The following KTN1 variants were observed in gnomAD, a reference collection of about 807,000 sequenced individuals.
KTN1 encodes kinectin.
A neutral mutation model predicts 222.5 loss-of-function variants in KTN1; 130 were observed. That is an observed-to-expected ratio of 0.58 (90% CI 0.51 to 0.68). The LOEUF is 0.68. Ranked by LOEUF, KTN1 falls within the 30% of genes least tolerant of loss-of-function variation. The pLI, the probability that KTN1 is intolerant of heterozygous loss-of-function variation, is 0.00. For missense variants in KTN1, 1,508 were observed against 1,500.4 expected (o/e 1.01, Z -0.08); for synonymous variants, 512 against 496.3 (o/e 1.03, Z -0.42).
rs898144219 is a variant in KTN1 at position 55,670,876 on chromosome 14, T to G, written c.3348+67T>G. ...AAAAGAAGCAAATAAGATTTTGTCT[T>G]CATAAGCTTGGAAAAGATAAAAGAT... On this transcript the variant is annotated intron_variant, in intron 35 of 43. Coordinates refer to ENST00000395314, the MANE Select transcript of KTN1 (RefSeq NM_001079521.2). The G allele has an allele frequency of 1.2e-5, 13 of 1,070,748 alleles. No homozygotes were observed. In the African/African-American group the frequency reaches 2.1e-4, roughly 17 times the overall value. The allele number at this position is 1,070,748 out of a possible 1,614,324, so 66.3% of individuals were successfully genotyped here. A position where few individuals can be genotyped will look rare whatever the true frequency, so the allele number is the denominator to read the frequency against.
At position 55,616,635 on chromosome 14, in the gene KTN1, G is replaced by A; in HGVS notation, c.642G>A (p.Lys214=). 1 of 1,594,060 alleles carries A rather than the reference G, an allele frequency of 6.3e-7. No individual in the cohort carries two copies. Among genetic ancestry groups the A allele is most frequent in the Non-Finnish European group, 8.5e-7 (1 of 1,175,134 alleles). Reference sequence around the variant, plus strand: ...CAGGGAAGAAGAAAGCTTCATCAAAGAAACAAAAGACAGAAAATGGTGAGA... The same window carrying A: ...CAGGGAAGAAGAAAGCTTCATCAAAAAAACAAAAGACAGAAAATGGTGAGA... ...SGSGKKKASS[K]KQKTENVFVD... is the part of the protein sequence containing the mutation. The change falls in exon 3 of 44, where the codon AAG becomes AAA. Residue 214 remains lysine, a synonymous_variant. Transcript: ENST00000395314.
At chr14:55,662,102 G>C (rs993506099) in intron 32 of KTN1, among the ~76,000 whole-genome samples, 4 of 138,362 alleles carry the variant, frequency 2.9e-5, no homozygotes, top group Admixed American at 2.3e-4. Context: ...ACAGGGTCTC[G>C]CTCTGTTGCC....
chr14:55,584,596 A>C (rs768596957), intron 1 of KTN1, among the ~76,000 whole-genome samples: 1 of 152,104 alleles, frequency 6.6e-6, no homozygotes, highest in Non-Finnish European at 1.5e-5. Context: ...TTTTATTTAA[A>C]ACTGCACTCC....
At chr14:55,661,298 C>T (rs1470084930) in intron 31 of KTN1, 1 of 396,174 alleles carries the variant, frequency 2.5e-6, no homozygotes, top group Non-Finnish European at 4.5e-6. Flanking sequence ...TTAGCACAAG[C>T]CTGAGCATAC....
chr14:55,655,578 A>C (rs2043386002), intron 28 of KTN1, among the ~76,000 whole-genome samples: 2 of 152,164 alleles, frequency 1.3e-5, no homozygotes, highest in South Asian at 4.1e-4. Flanking sequence ...TAGGATGACC[A>C]GGGCAATTGA....
At chr14:55,647,716 G>A (rs181922812) in intron 19 of KTN1, among the ~76,000 whole-genome samples, 4 of 151,060 alleles carry the variant, frequency 2.6e-5, no homozygotes, top group East Asian at 3.9e-4. Context: ...AGGCCAAGGC[G>A]GGTGGATCAT....
At chr14:55,656,532 T>C (rs2043494500) in intron 29 of KTN1, among the ~76,000 whole-genome samples, 1 of 152,124 alleles carries the variant, frequency 6.6e-6, no homozygotes, top group African/African-American at 2.4e-5. Context: ...TGGCGTGATC[T>C]CGGCTCGCTG....
At chr14:55,671,398 G>C (rs1264792135) in intron 35 of KTN1, 168 bp from the exon 36 acceptor site, 3 of 580,522 alleles carry the variant, frequency 5.2e-6, no homozygotes, top group Non-Finnish European at 3.0e-6. Context: ...TGACCAAAAG[G>C]GTTATTGAAT....
intron 23 of KTN1, 29 bp downstream of exon 23, chr14:55,650,447 T>C (rs756768558): frequency 1.2e-5 from 19 of 1,565,544 alleles, no homozygotes; most frequent in Non-Finnish European, 1.6e-5. Context: ...CTGTGTTTTA[T>C]GTTTTTGTTT....
rs371528048 is a variant in KTN1 at position 55,673,047 on chromosome 14, C to G, written c.3687+35C>G. The G allele has an allele frequency of 5.1e-6, 8 of 1,555,834 alleles. No homozygotes were observed. The African/African-American group carries it at 1.1e-4, about 21-fold the overall frequency. On this transcript the variant is annotated intron_variant, in intron 39 of 43. Coordinates refer to ENST00000395314, the MANE Select transcript of KTN1 (RefSeq NM_001079521.2). The stretch of plus-strand genomic sequence containing the variant: ...ACAGAATCTTTTCAAACTTGCTTCT[C>G]AATTCAGATTAAGTTTATAACAGTG...
At chr14:55,655,367 A>AT (rs546124633) in intron 28 of KTN1, among the ~76,000 whole-genome samples, 137 of 152,014 alleles carry the variant, frequency 9.0e-4, no homozygotes, top group East Asian at 5.8e-3. Flanking sequence ...CTGTTTTGTC[A>AT]TTTTTTTCAT....
chr14:55,586,922 C>T (rs1405711747), intron 1 of KTN1, among the ~76,000 whole-genome samples: 1 of 152,254 alleles, frequency 6.6e-6, no homozygotes, highest in Admixed American at 6.5e-5. Context: ...ATAGACATTT[C>T]TTAATGGTTA....
chr14:55,658,644 C>T lies in KTN1; in HGVS notation c.2961+30C>T, dbSNP rs748185648. ...GTATTATTAGATGTCTTGCCTTTCA[C>T]TTACGTGGCAAAAAAATTATATAAC... On this transcript the variant is annotated intron_variant, in intron 30 of 43. Coordinates refer to ENST00000395314, the MANE Select transcript of KTN1 (RefSeq NM_001079521.2). The T allele has an allele frequency of 5.0e-6, 7 of 1,407,690 alleles. No homozygotes were observed. The Admixed American group carries it at 1.4e-4, about 28-fold the overall frequency. The allele number at this position is 1,407,690 out of a possible 1,614,324, so 87.2% of individuals were successfully genotyped here.
chr14:55,585,465 T>C (rs1215255012), intron 1 of KTN1, among the ~76,000 whole-genome samples: 1 of 152,224 alleles, frequency 6.6e-6, no homozygotes, highest in African/African-American at 2.4e-5. Context: ...TTTACTGATT[T>C]CTTTTCTTAA....
intron 2 of KTN1, 35 bp downstream of exon 2, chr14:55,612,606 G>A (rs756901761): frequency 6.6e-7 from 1 of 1,504,086 alleles, no homozygotes; most frequent in South Asian, 1.4e-5. Context: ...TAATTTTATT[G>A]TATGATTTGG....
At chr14:55,608,326 C>A (rs1209931279) in intron 1 of KTN1, among the ~76,000 whole-genome samples, 1 of 151,908 alleles carries the variant, frequency 6.6e-6, no homozygotes, top group African/African-American at 2.4e-5. Context: ...CATGTTTTGC[C>A]TTTTTAAAAT....
intron 1 of KTN1, among the ~76,000 whole-genome samples, chr14:55,594,173 C>T (rs1452153954): frequency 2.0e-5 from 3 of 152,084 alleles, no homozygotes; most frequent in Admixed American, 6.6e-5. Context: ...TATTGGAAGT[C>T]GTTATCTTCA....
At chr14:55,635,959 G>A (rs903380455) in intron 9 of KTN1, among the ~76,000 whole-genome samples, 2 of 152,068 alleles carry the variant, frequency 1.3e-5, no homozygotes, top group East Asian at 3.9e-4. Flanking sequence ...GCATAGATAC[G>A]GAAGTCTGTT....
intron 43 of KTN1, 52 bp from the exon 44 acceptor site, chr14:55,684,047 C>A: frequency 3.3e-6 from 5 of 1,532,462 alleles, no homozygotes; most frequent in Non-Finnish European, 4.5e-6. Context: ...CTTCTGATTG[C>A]CTTCTGTTGC....
Sources: gnomAD v4.1 joint callset for allele counts (sites outside exome capture counted in the v4.1 genomes callset) on GRCh38, gnomAD v4.1.1 for gene constraint, MANE v1.5 for transcripts, NCBI Gene and HGNC (gene_info 2026-07-23, HGNC 2026-07-21) for gene names.